Variants in RNF169 observed in about 807,000 individuals in gnomAD.
The protein encoded by RNF169 is ring finger protein 169.
RNF169 carries 24 observed loss-of-function variants against 53.9 expected under a neutral mutation model. The ratio of observed to expected loss-of-function variants is 0.45; its 90% confidence interval spans 0.32 to 0.63. RNF169 has a LOEUF of 0.63. RNF169 is among the 20% of genes least tolerant of loss of function. The pLI is 0.04. For missense variants in RNF169, 883 were observed against 906.2 expected (o/e 0.97, Z 0.33); for synonymous variants, 396 against 363.5 (o/e 1.09, Z -1.02).
chr11:74,761,262 TC>T lies in RNF169; in HGVS notation c.502+11882del, dbSNP rs1434834420. On this transcript the variant is annotated intron_variant, in intron 1 of 5. Coordinates refer to ENST00000299563, the MANE Select transcript of RNF169 (RefSeq NM_001098638.2). ...CACACTGATGGGTCATGACTCTTTA[TC>T]CAACTTGCCAGTCTGTGTCTTTTAA... 4.1e-5 allele frequency among the ~76,000 whole-genome samples: 6 copies of T among 147,578 alleles called. 1 individual carries two copies. Among genetic ancestry groups the T allele is most frequent in the Admixed American group, 4.1e-4 (6 of 14,762 alleles).
intron 1 of RNF169, among the ~76,000 whole-genome samples, chr11:74,754,097 A>G (rs2034942691): frequency 6.6e-6 from 1 of 152,164 alleles, no homozygotes. Context: ...ATATTCAGGA[A>G]TTATGTAATA....
intron 1 of RNF169, among the ~76,000 whole-genome samples, chr11:74,780,210 A>G (rs142013238): frequency 2.9e-4 from 44 of 152,220 alleles, no homozygotes; most frequent in African/African-American, 9.6e-4. Context: ...CTTATTTAGG[A>G]CTTGAATCAC....
Position 74,762,489 on chromosome 11 carries a change from A to T in RNF169, c.502+13107A>T, listed in dbSNP as rs181519218. On this transcript the variant is annotated intron_variant, in intron 1 of 5. Coordinates refer to ENST00000299563, the MANE Select transcript of RNF169 (RefSeq NM_001098638.2). ...ATGTACAGATGGGTTTTCGGTGTGG[A>T]TGTCCTTTCTGTTTGTTAGTTTTCC... Among the ~76,000 whole-genome samples, 48 of 152,244 alleles carry T rather than the reference A, an allele frequency of 3.2e-4. 1 individual carries two copies. In the East Asian group the frequency reaches 8.9e-3, roughly 28 times the overall value.
intron 4 of RNF169, among the ~76,000 whole-genome samples, chr11:74,820,883 C>A (rs1464064806): frequency 6.6e-6 from 1 of 151,760 alleles, no homozygotes. Flanking sequence ...CCAGTGCTTC[C>A]TTGGGCTCTC....
chr11:74,754,701 G>C lies in RNF169; in HGVS notation c.502+5319G>C, dbSNP rs539715508. On this transcript the variant is annotated intron_variant, in intron 1 of 5. Transcript: ENST00000299563. The stretch of plus-strand genomic sequence containing the variant: ...CCGGACGTGGTGGTGCACGCTTATA[G>C]TCCCAGCTACCGGGAGGCTGAGGCA... Among the ~76,000 whole-genome samples the C allele has an allele frequency of 3.0e-3, 450 of 152,216 alleles. 2 individuals are homozygous for C. The highest frequency in any genetic ancestry group is 0.023 in the South Asian group (109 of 4,820).
At chr11:74,779,671 C>A (rs879369481) in intron 1 of RNF169, among the ~76,000 whole-genome samples, 7 of 151,432 alleles carry the variant, frequency 4.6e-5, no homozygotes, top group Non-Finnish European at 1.0e-4. Context: ...ATTTTCTTCT[C>A]AAAAAAAAGT....
At chr11:74,820,256 C>T (rs1353155698) in intron 4 of RNF169, among the ~76,000 whole-genome samples, 1 of 152,156 alleles carries the variant, frequency 6.6e-6, no homozygotes, top group Non-Finnish European at 1.5e-5. Flanking sequence ...GAAGAAGTAG[C>T]ATTGTGACCT....
chr11:74,824,083 T>C (rs1044422951), intron 4 of RNF169, among the ~76,000 whole-genome samples: 5 of 152,162 alleles, frequency 3.3e-5, no homozygotes, highest in African/African-American at 1.2e-4. Context: ...AGCCAAGACA[T>C]TTGACATTTT....
In RNF169 at chr11:74,839,659, A is replaced by T. The variant is rs1337705334; in HGVS notation, c.*2929A>T. 1 of 151,734 alleles carries T rather than the reference A, an allele frequency of 6.6e-6. No homozygotes were observed. Among genetic ancestry groups the T allele is most frequent in the African/African-American group, 2.4e-5 (1 of 41,242 alleles). The allele number at this position is 151,734 out of a possible 1,614,324, so 9.4% of individuals were successfully genotyped here. On this transcript the variant is annotated 3_prime_UTR_variant, in exon 6 of 6. Transcript: ENST00000299563. Reference sequence around the variant, plus strand: ...ATTATTAAAGGGGAAGTTAGGGGGGAGGGTGAAGGTCAGTCTGAGGGGAAA... The same window carrying T: ...ATTATTAAAGGGGAAGTTAGGGGGGTGGGTGAAGGTCAGTCTGAGGGGAAA...
At position 74,836,277 on chromosome 11, in the gene RNF169, GTTAGACAAA is replaced by G; in HGVS notation, c.1675_1683del (p.Leu559_Lys561del). 6.2e-7 allele frequency: 1 copy of G among 1,614,192 alleles called. No individual in the cohort carries two copies. The highest frequency in any genetic ancestry group is 8.5e-7 in the Non-Finnish European group (1 of 1,180,040). On this transcript the variant is annotated inframe_deletion, in exon 6 of 6. Coordinates refer to ENST00000299563, the MANE Select transcript of RNF169 (RefSeq NM_001098638.2). ...GGTTAGGGTCAACTCCAGATGCCAA[GTTAGACAAA>G]ACCTGTATAAGCAGAGCCATGAAAA...
At chr11:74,777,743 C>T (rs2035357767) in intron 1 of RNF169, among the ~76,000 whole-genome samples, 1 of 151,950 alleles carries the variant, frequency 6.6e-6, no homozygotes, top group Non-Finnish European at 1.5e-5. Flanking sequence ...GACCTTCCGC[C>T]TTAGCCTCCT....
chr11:74,793,964 G>A (rs1304254282), intron 2 of RNF169, among the ~76,000 whole-genome samples: 1 of 152,022 alleles, frequency 6.6e-6, no homozygotes, highest in African/African-American at 2.4e-5. Context: ...AAACACTTTA[G>A]TCTTCTGTAT....
chr11:74,777,528 G>A (rs2035353519), intron 1 of RNF169, among the ~76,000 whole-genome samples: 1 of 152,068 alleles, frequency 6.6e-6, no homozygotes, highest in South Asian at 2.1e-4. Flanking sequence ...CTGATCCAGT[G>A]CGGATTACCT....
intron 1 of RNF169, among the ~76,000 whole-genome samples, chr11:74,789,190 A>G (rs569910197): frequency 6.6e-6 from 1 of 152,292 alleles, no homozygotes; most frequent in East Asian, 1.9e-4. Context: ...CAGTGTTTCT[A>G]TCTAAATATC....
chr11:74,812,039 G>A (rs1025319499), intron 3 of RNF169, among the ~76,000 whole-genome samples: 1 of 151,944 alleles, frequency 6.6e-6, no homozygotes, highest in Non-Finnish European at 1.5e-5. Flanking sequence ...GAAATAACCT[G>A]TTGTTCCTAG....
chr11:74,821,216 A>G (rs576913558), intron 4 of RNF169, among the ~76,000 whole-genome samples: 26 of 152,318 alleles, frequency 1.7e-4, no homozygotes, highest in African/African-American at 5.1e-4. Context: ...TATACCCTCC[A>G]TTGTTCCAAA....
At chr11:74,794,420 C>G (rs1259333874) in intron 2 of RNF169, among the ~76,000 whole-genome samples, 3 of 152,076 alleles carry the variant, frequency 2.0e-5, no homozygotes, top group Admixed American at 6.5e-5. Flanking sequence ...GTTGTAGGGT[C>G]AATGGATCGG....
chr11:74,779,735 A>C (rs1016668448), intron 1 of RNF169, among the ~76,000 whole-genome samples: 6 of 152,152 alleles, frequency 3.9e-5, no homozygotes, highest in Non-Finnish European at 8.8e-5. Flanking sequence ...CTGTATTTCT[A>C]CCTTACTACT....
chr11:74,753,632 A>G (rs953532848), intron 1 of RNF169, among the ~76,000 whole-genome samples: 5 of 152,152 alleles, frequency 3.3e-5, no homozygotes, highest in African/African-American at 1.2e-4. Context: ...TTCTCATCAC[A>G]TAGTTGGATC....
Sources: gnomAD v4.1 joint callset for allele counts (sites outside exome capture counted in the v4.1 genomes callset) on GRCh38, gnomAD v4.1.1 for gene constraint, MANE v1.5 for transcripts, NCBI Gene and HGNC (gene_info 2026-07-23, HGNC 2026-07-21) for gene names.